SUGCT: variants seen among roughly 807,000 people sequenced by gnomAD.
SUGCT encodes succinyl-CoA:glutarate CoA-transferase.
A neutral mutation model predicts 55.0 loss-of-function variants in SUGCT; 41 were observed. The ratio of observed to expected loss-of-function variants is 0.74; its 90% CI spans 0.58 to 0.97. The LOEUF (loss-of-function observed/expected upper bound fraction) is 0.97, where lower values mean the gene tolerates loss of function less well. SUGCT is among the 50% of genes least tolerant of loss of function. The pLI is 0.00. For synonymous variants in SUGCT, 187 were observed against 200.4 expected, an observed-to-expected ratio of 0.93 and a Z score of 0.56; for missense variants, 568 against 547.8, an observed-to-expected ratio of 1.04 and a Z score of -0.37.
At chr7:40,939,715 TC>T in the SUGCT span, among the ~76,000 whole-genome samples, 3 of 152,044 alleles carry the variant, frequency 2.0e-5, no homozygotes, top group Admixed American at 6.6e-5. Flanking sequence ...CATGTCATTT[TC>T]CCACTTTTTG....
chr7:40,658,985 CCTACAAGACCTGTTGGCA>C (rs1801169983), intron 12 of SUGCT, among the ~76,000 whole-genome samples: 2 of 152,088 alleles, frequency 1.3e-5, no homozygotes, highest in South Asian at 4.2e-4. Context: ...TCTATTTGTC[CCTACAAGACCTGTTGGCA>C]TGGCTGCTCC....
intron 7 of SUGCT, among the ~76,000 whole-genome samples, chr7:40,238,639 A>T (rs1221513308): frequency 7.5e-6 from 1 of 134,128 alleles, no homozygotes; most frequent in Non-Finnish European, 1.6e-5. Context: ...TCTTCCTTTT[A>T]TTTAATTTTA....
intron 12 of SUGCT, among the ~76,000 whole-genome samples, chr7:40,569,822 A>C (rs1796345151): frequency 6.6e-6 from 1 of 152,194 alleles, no homozygotes; most frequent in Non-Finnish European, 1.5e-5. Flanking sequence ...TTGCATTAAA[A>C]ACCTTTTAAT....
At chr7:40,863,794 AC>A (rs1303091199), downstream of SUGCT, among the ~76,000 whole-genome samples, 4 of 152,260 alleles carry the variant, frequency 2.6e-5, no homozygotes, top group East Asian at 7.8e-4. Flanking sequence ...CTGAAAAAAA[AC>A]AGTTGCTTAT....
intron 13 of SUGCT, among the ~76,000 whole-genome samples, chr7:40,844,167 C>T (rs748059192): frequency 2.1e-4 from 32 of 152,126 alleles, no homozygotes; most frequent in African/African-American, 7.5e-4. Flanking sequence ...CTGCAACTCC[C>T]GGAGCCCCAG....
chr7:40,956,506 T>A, the SUGCT span, among the ~76,000 whole-genome samples: 2 of 152,168 alleles, frequency 1.3e-5, no homozygotes, highest in Non-Finnish European at 2.9e-5. Context: ...TTCTATTTGA[T>A]TCTTTCTTGT....
chr7:41,021,823 A>G, the SUGCT span, among the ~76,000 whole-genome samples: 2 of 152,186 alleles, frequency 1.3e-5, no homozygotes, highest in Non-Finnish European at 2.9e-5. Flanking sequence ...CTTAAAGGAT[A>G]AACTCAATGA....
the SUGCT span, among the ~76,000 whole-genome samples, chr7:40,987,549 A>G: frequency 2.6e-5 from 4 of 152,160 alleles, no homozygotes; most frequent in African/African-American, 9.7e-5. Context: ...AATACTATAT[A>G]TGCTGGAGGT....
At chr7:40,421,359 C>A (rs1375175627) in intron 9 of SUGCT, among the ~76,000 whole-genome samples, 1 of 152,122 alleles carries the variant, frequency 6.6e-6, no homozygotes, top group Non-Finnish European at 1.5e-5. Flanking sequence ...CAATACCCCA[C>A]CTCTTGCCTC....
chr7:40,280,760 T>C (rs1467717096), intron 8 of SUGCT, among the ~76,000 whole-genome samples: 2 of 152,194 alleles, frequency 1.3e-5, no homozygotes, highest in East Asian at 3.8e-4. Context: ...TTTAAACAAT[T>C]TTATTGAGGT....
At chr7:40,451,680 G>C (rs1057126273) in intron 10 of SUGCT, among the ~76,000 whole-genome samples, 11 of 152,182 alleles carry the variant, frequency 7.2e-5, no homozygotes, top group African/African-American at 2.7e-4. Flanking sequence ...CTGCGTGAAT[G>C]CTGCAATCTG....
chr7:40,991,849 A>G, the SUGCT span, among the ~76,000 whole-genome samples: 1 of 152,066 alleles, frequency 6.6e-6, no homozygotes, highest in Non-Finnish European at 1.5e-5. Context: ...CCTCTTCTGC[A>G]TGGTGTTAGA....
At chr7:40,331,946 A>G (rs369932263) in intron 9 of SUGCT, among the ~76,000 whole-genome samples, 2 of 152,200 alleles carry the variant, frequency 1.3e-5, no homozygotes, top group Admixed American at 1.3e-4. Flanking sequence ...TTAAACTGCA[A>G]ATGGCATAGT....
At chr7:40,403,904 T>G (rs1488856097) in intron 9 of SUGCT, among the ~76,000 whole-genome samples, 2 of 152,248 alleles carry the variant, frequency 1.3e-5, no homozygotes, top group Non-Finnish European at 2.9e-5. Context: ...GGGATTCTTT[T>G]TGACTGGCTT....
chr7:40,985,978 C>T, the SUGCT span, among the ~76,000 whole-genome samples: 610 of 152,232 alleles, frequency 4.0e-3, 5 homozygotes, highest in African/African-American at 0.014. Context: ...GGAATAATTA[C>T]AGTGTTTATT....
intron 12 of SUGCT, among the ~76,000 whole-genome samples, chr7:40,697,218 C>T (rs1562951688): frequency 6.6e-6 from 1 of 152,144 alleles, no homozygotes; most frequent in African/African-American, 2.4e-5. Flanking sequence ...CATTTTATTC[C>T]GATCTCTATG....
chr7:40,154,315 G>GAATGT (rs3046488), intron 1 of SUGCT, among the ~76,000 whole-genome samples: 58,007 of 151,388 alleles, frequency 0.38, 12,440 homozygotes, highest in Middle Eastern at 0.59. Flanking sequence ...CAAAAGATGT[G>GAATGT]AATGTAATGT....
rs193281780 is a variant in SUGCT at position 40,407,402 on chromosome 7, A to T, written c.817-41885A>T. On this transcript the variant is annotated intron_variant, in intron 9 of 13. Transcript: ENST00000335693. ...AGGATATTATCTGAAATTAATGTAAATATTCAATTATTTATATATCTTTAA... is the reference window on the plus strand; with the variant it reads ...AGGATATTATCTGAAATTAATGTAATTATTCAATTATTTATATATCTTTAA... Among the ~76,000 whole-genome samples, 915 of 152,196 alleles carry T rather than the reference A, an allele frequency of 6.0e-3. 5 individuals are homozygous for T. The highest frequency in any genetic ancestry group is 0.021 in the African/African-American group (883 of 41,568).
Position 40,837,926 on chromosome 7 carries a change from A to C in SUGCT, c.1154-22390A>C, listed in dbSNP as rs571327919. Reference sequence around the variant, plus strand: ...ACCAGGCCTGGCCTATTTTGAGTTAATTTTTTATGGGATATGAAAATTAGG... The same window carrying C: ...ACCAGGCCTGGCCTATTTTGAGTTACTTTTTTATGGGATATGAAAATTAGG... On this transcript the variant is annotated intron_variant, in intron 13 of 13. Transcript: ENST00000335693. 4.6e-5 allele frequency among the ~76,000 whole-genome samples: 7 copies of C among 152,206 alleles called. No individual in the cohort carries two copies. In the East Asian group the frequency reaches 1.4e-3, roughly 29 times the overall value.
Sources: allele counts gnomAD v4.1 joint callset (sites outside exome capture counted in the v4.1 genomes callset), GRCh38; gene constraint gnomAD v4.1.1; transcripts MANE v1.5; gene names NCBI Gene and HGNC (gene_info 2026-07-23, HGNC 2026-07-21).